The following ETFBKMT variants were observed in gnomAD, a reference collection of about 807,000 sequenced individuals.
ETFBKMT encodes electron transfer flavoprotein subunit beta lysine methyltransferase.
In ETFBKMT, 13 loss-of-function variants were observed where a neutral mutation model predicts 18.3. The observed-to-expected ratio is 0.71, with a 90% CI of 0.46 to 1.13. The LOEUF is 1.13. ETFBKMT is among the 50% of genes most tolerant of loss of function. The probability of loss-of-function intolerance (pLI) is 0.00; values close to 1 mark genes in which losing one functional copy is unlikely to be tolerated. For missense variants in ETFBKMT, 293 were observed against 306.2 expected (o/e 0.96, Z 0.32); for synonymous variants, 84 against 107.9 (o/e 0.78, Z 1.37).
In ETFBKMT at chr12:31,666,161, C is replaced by G; in HGVS notation, c.389C>G (p.Ala130Gly). 6.2e-7 allele frequency: 1 copy of G among 1,614,098 alleles called. No individual in the cohort carries two copies. The highest frequency in any genetic ancestry group is 1.1e-5 in the South Asian group (1 of 91,088). The stretch of plus-strand genomic sequence containing the variant: ...CTTGGGAGTGGATGTGGAGCTACAG[C>G]TATTGCTGCTAAGATGAGTGGGGCA... ...LDLGSGCGAT[A>G]IAAKMSGASR... Residue 130 changes from alanine (A) to glycine (G), a missense_variant, in exon 3 of 4, where the codon GCT (alanine) becomes GGT (glycine). Coordinates refer to ENST00000357721, the MANE Select transcript of ETFBKMT (RefSeq NM_001135863.2).
chr12:31,650,903 A>T (rs922644194), intron 1 of ETFBKMT, among the ~76,000 whole-genome samples: 3 of 152,162 alleles, frequency 2.0e-5, no homozygotes, highest in Admixed American at 2.0e-4. Context: ...AGAGGCTGAC[A>T]CATCCAGTTT....
chr12:31,656,147 G>A (rs1337327467), upstream of ETFBKMT, among the ~76,000 whole-genome samples: 1 of 152,120 alleles, frequency 6.6e-6, no homozygotes, highest in East Asian at 1.9e-4. Flanking sequence ...AGGCAGTGAC[G>A]GTTCTGCTTG....
chr12:31,669,558 T>C lies in ETFBKMT; in HGVS notation c.*1568T>C, dbSNP rs1290910005. 22 of 152,224 alleles carry C rather than the reference T, an allele frequency of 1.4e-4. No homozygotes were observed. Among genetic ancestry groups the C allele is most frequent in the Admixed American group, 1.4e-3 (22 of 15,284 alleles). 9.4% of individuals were successfully genotyped at this position (152,224 alleles called of 1,614,324 possible). On this transcript the variant is annotated 3_prime_UTR_variant, in exon 4 of 4. Transcript: ENST00000357721. ...TTCAAAATGGTTACTTTCCCTATCC[T>C]CATACCAGAAGAGGGGATTTTTCTC...
chr12:31,672,574 C>T lies in ETFBKMT; in HGVS notation c.*4584C>T, dbSNP rs1475440831. Reference sequence around the variant, plus strand: ...CCTCACTATTATTAGGTGTAGTGCACCTATCATGGTATTACTTGTTTAAAA... The same window carrying T: ...CCTCACTATTATTAGGTGTAGTGCATCTATCATGGTATTACTTGTTTAAAA... On this transcript the variant is annotated 3_prime_UTR_variant, in exon 4 of 4. Coordinates refer to ENST00000357721, the MANE Select transcript of ETFBKMT (RefSeq NM_001135863.2). 2.1e-5 allele frequency: 10 copies of T among 481,996 alleles called. No homozygotes were observed. Among genetic ancestry groups the T allele is most frequent in the African/African-American group, 1.2e-4 (6 of 51,000 alleles). The allele number at this position is 481,996 out of a possible 1,614,324, so 29.9% of individuals were successfully genotyped here.
At chr12:31,666,254 T>A (rs1243857013) in intron 3 of ETFBKMT, 37 bp downstream of exon 3, 11 of 1,424,162 alleles carry the variant, frequency 7.7e-6, no homozygotes, top group Non-Finnish European at 1.0e-5. Context: ...AAGGCTCATC[T>A]TTTTTTTTTC....
At chr12:31,656,467 T>G (rs1951062928), upstream of ETFBKMT, among the ~76,000 whole-genome samples, 1 of 152,084 alleles carries the variant, frequency 6.6e-6, no homozygotes, top group African/African-American at 2.4e-5. Flanking sequence ...AAAGCTGTGG[T>G]CAGGAATCCG....
chr12:31,657,578 G>A (rs2139614992), upstream of ETFBKMT, among the ~76,000 whole-genome samples: 1 of 152,126 alleles, frequency 6.6e-6, no homozygotes, highest in South Asian at 2.1e-4. Context: ...CGGATCACGA[G>A]GTCAAAAGTT....
intron 1 of ETFBKMT, among the ~76,000 whole-genome samples, chr12:31,652,626 A>G (rs747710752): frequency 4.6e-4 from 70 of 152,186 alleles, no homozygotes; most frequent in Non-Finnish European, 8.8e-4. Context: ...ACTTAGCTTT[A>G]GACGATCCCA....
chr12:31,666,947 G>A (rs537079912), intron 3 of ETFBKMT, among the ~76,000 whole-genome samples: 5 of 150,984 alleles, frequency 3.3e-5, no homozygotes, highest in African/African-American at 4.9e-5. Context: ...ATGAGCCACC[G>A]CGCCTGGCTG....
intron 1 of ETFBKMT, among the ~76,000 whole-genome samples, chr12:31,652,891 A>T (rs1951028907): frequency 6.6e-6 from 1 of 152,236 alleles, no homozygotes; most frequent in Non-Finnish European, 1.5e-5. Flanking sequence ...AATGATAAGT[A>T]TTTCCATCAT....
At position 31,667,830 on chromosome 12, in the gene ETFBKMT, A is replaced by G. The variant is rs374501015; in HGVS notation, c.629A>G (p.Tyr210Cys). The change falls in exon 4 of 4, where the codon TAT (tyrosine) becomes TGT (cysteine). Residue 210 changes from tyrosine to cysteine, a missense_variant. Physicochemically the swap from Tyr to Cys is radical, Grantham distance 194. Transcript: ENST00000357721. Reference protein sequence around the residue: ...HQWLKKCFWTYRTRVLIGDPG... With the variant: ...HQWLKKCFWTCRTRVLIGDPG... ...TGGCTGAAGAAGTGCTTCTGGACCT[A>G]TAGAACTCGAGTACTGATTGGTGAC... is the stretch of plus-strand genomic sequence containing the variant. The G allele has an allele frequency of 4.3e-6, 7 of 1,614,078 alleles. No individual in the cohort carries two copies. Among genetic ancestry groups the G allele is most frequent in the African/African-American group, 1.3e-5 (1 of 74,918 alleles).
chr12:31,654,202 A>C (rs1951041129), upstream of ETFBKMT, among the ~76,000 whole-genome samples: 1 of 152,078 alleles, frequency 6.6e-6, no homozygotes, highest in African/African-American at 2.4e-5. Flanking sequence ...GGCACACGCC[A>C]CCATGTCCGA....
intron 1 of ETFBKMT, among the ~76,000 whole-genome samples, chr12:31,653,700 C>T: frequency 6.6e-6 from 1 of 152,224 alleles, no homozygotes; most frequent in East Asian, 1.9e-4. Context: ...GTAATCCCAG[C>T]ACTTTGGGAG....
chr12:31,668,977 T>G lies in ETFBKMT; in HGVS notation c.*987T>G, dbSNP rs1951232644. Reference sequence around the variant, plus strand: ...TGTCTGCCATAACTGAGTCTGGTTCTGATGCTTGTTTTCTTTTCAGACTGT... The same window carrying G: ...TGTCTGCCATAACTGAGTCTGGTTCGGATGCTTGTTTTCTTTTCAGACTGT... On this transcript the variant is annotated 3_prime_UTR_variant, in exon 4 of 4. Transcript: ENST00000357721. 1 of 152,280 alleles carries G rather than the reference T, an allele frequency of 6.6e-6. No individual in the cohort carries two copies. The highest frequency in any genetic ancestry group is 2.4e-5 in the African/African-American group (1 of 41,474). The allele number at this position is 152,280 out of a possible 1,614,324, so 9.4% of individuals were successfully genotyped here. A position where few individuals can be genotyped will look rare whatever the true frequency, so the allele number is the denominator to read the frequency against.
At chr12:31,667,214 T>C (rs147898336) in intron 3 of ETFBKMT, among the ~76,000 whole-genome samples, 2,740 of 152,170 alleles carry the variant, frequency 0.018, 75 homozygotes, top group African/African-American at 0.062. Flanking sequence ...AGGCTGGTCT[T>C]GAACTCCTGA....
At chr12:31,658,635 G>A (rs937639481), upstream of ETFBKMT, among the ~76,000 whole-genome samples, 1 of 152,156 alleles carries the variant, frequency 6.6e-6, no homozygotes, top group Admixed American at 6.6e-5. Context: ...AAACTAAAAT[G>A]CAGAAACACG....
rs148979300 is a variant in ETFBKMT, at chr12:31,652,672, T to C, written c.-114+5417T>C. On this transcript the variant is annotated intron_variant, in intron 1 of 3. Transcript: ENST00000412352. Reference sequence around the variant, plus strand: ...GGAGAATTTATCCTCCCATCAGCAATAATCCAGGCTAGAGATGATGGTGAT... The same window carrying C: ...GGAGAATTTATCCTCCCATCAGCAACAATCCAGGCTAGAGATGATGGTGAT... Among the ~76,000 whole-genome samples the C allele has an allele frequency of 3.3e-4, 51 of 152,264 alleles. No homozygotes were observed. In the East Asian group the frequency reaches 9.2e-3, roughly 28 times the overall value.
rs188404839 is a variant in ETFBKMT at position 31,660,533 on chromosome 12, A to T, written c.-114+744A>T. 4.3e-3 allele frequency among the ~76,000 whole-genome samples: 651 copies of T among 152,248 alleles called. 3 individuals carry two copies. Among genetic ancestry groups the T allele is most frequent in the Non-Finnish European group, 6.0e-3 (409 of 68,018 alleles). On this transcript the variant is annotated intron_variant, in intron 1 of 3. Coordinates refer to ENST00000357721, the MANE Select transcript of ETFBKMT (RefSeq NM_001135863.2). ...TCCGGGTGTTTTTCTATATATATAT[A>T]TTTTTAAACAAATCTTAGTGATCAA...
intron 1 of ETFBKMT, among the ~76,000 whole-genome samples, chr12:31,648,557 C>CTTTTTTTTT (rs764501978): frequency 3.6e-5 from 3 of 82,988 alleles, no homozygotes; most frequent in Non-Finnish European, 6.2e-5. Flanking sequence ...AGATGGGTTT[C>CTTTTTTTTT]TTTTTTTTTT....
Sources: gnomAD v4.1 joint callset for allele counts (sites outside exome capture counted in the v4.1 genomes callset) on GRCh38, gnomAD v4.1.1 for gene constraint, MANE v1.5 for transcripts, NCBI Gene and HGNC (gene_info 2026-07-23, HGNC 2026-07-21) for gene names.